The following LRRTM4 variants were observed in gnomAD, a reference collection of about 807,000 sequenced individuals.
LRRTM4 encodes leucine-rich repeat transmembrane neuronal protein 4.
Under a neutral mutation model 47.6 loss-of-function variants are expected in LRRTM4, and 25 were observed. The observed-to-expected ratio is 0.53, with a 90% confidence interval of 0.38 to 0.73. LRRTM4 has a LOEUF of 0.73. Among genes scored for constraint, LRRTM4 ranks in the 30% least tolerant of loss-of-function variants. LRRTM4 has a pLI of 0.00. For synonymous variants in LRRTM4, 311 were observed against 269.5 expected, an observed-to-expected ratio of 1.15 and a Z score of -1.51; for missense variants, 638 against 713.4, an observed-to-expected ratio of 0.89 and a Z score of 1.20.
At chr2:77,510,106 G>A (rs1034630833) in intron 3 of LRRTM4, among the ~76,000 whole-genome samples, 2 of 152,118 alleles carry the variant, frequency 1.3e-5, no homozygotes, top group African/African-American at 2.4e-5. Flanking sequence ...CAATTGACAA[G>A]AGTGGTATCA....
rs541590839 is a variant in LRRTM4, at chr2:76,801,748, A to G, written c.1552-52832T>C. 3.3e-5 allele frequency among the ~76,000 whole-genome samples: 5 copies of G among 152,278 alleles called. No individual in the cohort carries two copies. The South Asian group carries it at 6.2e-4, about 19-fold the overall frequency. On this transcript the variant is annotated intron_variant, in intron 3 of 3. Coordinates refer to ENST00000409884, the MANE Select transcript of LRRTM4 (RefSeq NM_001134745.3). ...GCAAAATATCAGCAAACTAAATTCA[A>G]TAGCACATTAAAAGGATCATTCACC...
Position 77,387,086 on chromosome 2 carries a change from A to G in LRRTM4, c.1551+131232T>C, listed in dbSNP as rs1360995704. Among the ~76,000 whole-genome samples the G allele has an allele frequency of 2.0e-5, 3 of 152,142 alleles. No individual in the cohort carries two copies. In the South Asian group the frequency reaches 6.2e-4, roughly 31 times the overall value. Reference sequence around the variant, plus strand: ...GAGGCAGGCAATATTCCTTGCATGAAGTGTACTTTCCCTACCTATGCAATT... The same window carrying G: ...GAGGCAGGCAATATTCCTTGCATGAGGTGTACTTTCCCTACCTATGCAATT... On this transcript the variant is annotated intron_variant, in intron 3 of 3. Coordinates refer to ENST00000409884, the MANE Select transcript of LRRTM4 (RefSeq NM_001134745.3).
At chr2:76,838,841 A>C (rs1408350224) in intron 3 of LRRTM4, among the ~76,000 whole-genome samples, 1 of 152,116 alleles carries the variant, frequency 6.6e-6, no homozygotes, top group East Asian at 1.9e-4. Context: ...TCATCTTCGA[A>C]AATTTCAGAT....
chr2:76,936,991 CATAAGT>C (rs890720495), intron 3 of LRRTM4, among the ~76,000 whole-genome samples: 1 of 89,910 alleles, frequency 1.1e-5, no homozygotes, highest in African/African-American at 4.3e-5. Context: ...AAAAAGAGCA[CATAAGT>C]ATATGTGAAA....
intron 3 of LRRTM4, among the ~76,000 whole-genome samples, chr2:77,498,057 C>G (rs1221179892): frequency 6.6e-6 from 1 of 151,820 alleles, no homozygotes; most frequent in Non-Finnish European, 1.5e-5. Flanking sequence ...AGTGTTTAAG[C>G]CCAGGTCTTT....
intron 3 of LRRTM4, among the ~76,000 whole-genome samples, chr2:77,426,429 C>A (rs959465141): frequency 1.3e-5 from 2 of 152,172 alleles, no homozygotes; most frequent in Non-Finnish European, 2.9e-5. Flanking sequence ...AAAACACTTA[C>A]AGGCTTTCCT....
intron 3 of LRRTM4, among the ~76,000 whole-genome samples, chr2:77,024,554 G>GA (rs1313410813): frequency 2.7e-5 from 4 of 150,420 alleles, no homozygotes; most frequent in South Asian, 2.1e-4. Context: ...GAGGAAAAGG[G>GA]AAAAATCACA....
intron 3 of LRRTM4, among the ~76,000 whole-genome samples, chr2:77,213,336 C>T (rs975971538): frequency 2.6e-5 from 4 of 152,014 alleles, no homozygotes; most frequent in East Asian, 1.9e-4. Context: ...GGATCTTAAT[C>T]GCAACCAGCT....
intron 3 of LRRTM4, among the ~76,000 whole-genome samples, chr2:77,401,057 A>G (rs916728877): frequency 6.6e-6 from 1 of 151,976 alleles, no homozygotes; most frequent in Non-Finnish European, 1.5e-5. Context: ...CAGCGACTAT[A>G]TGGTTCACAA....
At chr2:77,055,836 T>G (rs1679585547) in intron 3 of LRRTM4, among the ~76,000 whole-genome samples, 1 of 151,870 alleles carries the variant, frequency 6.6e-6, no homozygotes, top group East Asian at 1.9e-4. Flanking sequence ...GTGGCACATA[T>G]ACACCATGGA....
chr2:76,885,833 T>C (rs891732979), intron 3 of LRRTM4, among the ~76,000 whole-genome samples: 2 of 152,126 alleles, frequency 1.3e-5, no homozygotes, highest in Non-Finnish European at 2.9e-5. Flanking sequence ...GAAAAATGCA[T>C]ATAAGCTTAC....
At chr2:77,313,346 G>T (rs775997533) in intron 3 of LRRTM4, among the ~76,000 whole-genome samples, 96 of 78,158 alleles carry the variant, frequency 1.2e-3, no homozygotes, top group African/African-American at 9.5e-3. Flanking sequence ...CTGGGACCTG[G>T]TGCTGGGATG....
At position 77,099,672 on chromosome 2, in the gene LRRTM4, T is replaced by C. The variant is rs543334141; in HGVS notation, c.1552-350756A>G. Among the ~76,000 whole-genome samples the C allele has an allele frequency of 1.0e-3, 153 of 152,098 alleles. 2 individuals carry two copies. Among genetic ancestry groups the C allele is most frequent in the Middle Eastern group, 3.4e-3 (1 of 294 alleles). On this transcript the variant is annotated intron_variant, in intron 3 of 3. Coordinates refer to ENST00000409884, the MANE Select transcript of LRRTM4 (RefSeq NM_001134745.3). ...GATGAGAAACAATTTATACTGAATG[T>C]TAAGTAATAGGGAGAACAATCAGAC...
chr2:76,938,671 C>T (rs138568111), intron 3 of LRRTM4, among the ~76,000 whole-genome samples: 1 of 152,132 alleles, frequency 6.6e-6, no homozygotes, highest in East Asian at 1.9e-4. Context: ...ATAAAACTAA[C>T]CAATTGTTTT....
intron 3 of LRRTM4, among the ~76,000 whole-genome samples, chr2:76,806,385 C>A (rs76516201): frequency 6.6e-6 from 1 of 151,950 alleles, no homozygotes; most frequent in African/African-American, 2.4e-5. Flanking sequence ...AGTTCGAGAC[C>A]AGCCTAACCA....
chr2:76,827,567 G>A (rs563910222), intron 3 of LRRTM4, among the ~76,000 whole-genome samples: 5 of 151,926 alleles, frequency 3.3e-5, no homozygotes, highest in Admixed American at 1.3e-4. Context: ...GTATTTCATA[G>A]CATTGAAACA....
intron 3 of LRRTM4, among the ~76,000 whole-genome samples, chr2:76,805,230 A>T (rs1384027562): frequency 6.6e-6 from 1 of 152,140 alleles, no homozygotes; most frequent in Non-Finnish European, 1.5e-5. Context: ...AGCCCTAAAA[A>T]ATTGTGTACA....
At chr2:77,385,914 T>C (rs1293210770) in intron 3 of LRRTM4, among the ~76,000 whole-genome samples, 1 of 148,052 alleles carries the variant, frequency 6.8e-6, no homozygotes, top group Non-Finnish European at 1.5e-5. Flanking sequence ...CTCCTGGCTA[T>C]TTTTTTTTTA....
intron 3 of LRRTM4, among the ~76,000 whole-genome samples, chr2:76,918,769 G>A (rs1674336895): frequency 6.6e-6 from 1 of 151,950 alleles, no homozygotes; most frequent in Non-Finnish European, 1.5e-5. Flanking sequence ...CGTGGCCCAG[G>A]GTTTGGCCAA....
Sources: gnomAD v4.1 joint callset for allele counts (sites outside exome capture counted in the v4.1 genomes callset) on GRCh38, gnomAD v4.1.1 for gene constraint, MANE v1.5 for transcripts, NCBI Gene and HGNC (gene_info 2026-07-23, HGNC 2026-07-21) for gene names.